ZNF521: variants seen among roughly 807,000 people sequenced by gnomAD.
ZNF521 encodes LYST-interacting protein 3.
ZNF521 carries 14 observed loss-of-function variants against 105.5 expected under a neutral mutation model. That is an observed-to-expected ratio of 0.13 (90% confidence interval 0.09 to 0.21). The LOEUF is 0.21. ZNF521 is among the 10% of genes least tolerant of loss of function. The pLI is 1.00. For synonymous variants in ZNF521, 635 were observed against 606.0 expected, an observed-to-expected ratio of 1.05 and a Z score of -0.70; for missense variants, 1,233 against 1,629.7, an observed-to-expected ratio of 0.76 and a Z score of 4.19.
intron 5 of ZNF521, among the ~76,000 whole-genome samples, chr18:25,096,152 T>A (rs2033846577): frequency 6.6e-6 from 1 of 152,180 alleles, no homozygotes; most frequent in Non-Finnish European, 1.5e-5. Flanking sequence ...AGGAATCAAG[T>A]CTACATAAAA....
intron 4 of ZNF521, among the ~76,000 whole-genome samples, chr18:25,220,213 G>C (rs946562559): frequency 6.6e-6 from 1 of 152,238 alleles, no homozygotes; most frequent in Non-Finnish European, 1.5e-5. Flanking sequence ...CTGGCCAACA[G>C]TGACAAGTGC....
chr18:25,333,539 C>T (rs1229062199), intron 2 of ZNF521, among the ~76,000 whole-genome samples: 1 of 151,982 alleles, frequency 6.6e-6, no homozygotes, highest in South Asian at 2.1e-4. Context: ...AAAGTACATC[C>T]TGTCTCTGAA....
At chr18:25,293,091 G>A (rs1466930096) in intron 3 of ZNF521, among the ~76,000 whole-genome samples, 2 of 152,036 alleles carry the variant, frequency 1.3e-5, no homozygotes, top group Non-Finnish European at 2.9e-5. Flanking sequence ...TGTTTTCTCA[G>A]TTGAAGGTAA....
intron 2 of ZNF521, among the ~76,000 whole-genome samples, chr18:25,334,569 A>G (rs750895517): frequency 1.3e-5 from 2 of 152,244 alleles, no homozygotes; most frequent in Non-Finnish European, 2.9e-5. Context: ...GTGCCCACAC[A>G]TAAGGTATTT....
chr18:25,212,565 A>ATATATATATATATATATATATATATG (rs1227568202), intron 4 of ZNF521, among the ~76,000 whole-genome samples: 9 of 112,866 alleles, frequency 8.0e-5, no homozygotes, highest in East Asian at 2.7e-4. Context: ...ATATATATAT[A>ATATATATATATATATATATATATATG]TGTATAGAAA....
intron 3 of ZNF521, among the ~76,000 whole-genome samples, chr18:25,284,910 G>GCGCGCA (rs1555658165): frequency 6.7e-6 from 1 of 148,602 alleles, no homozygotes; most frequent in African/African-American, 2.5e-5. Flanking sequence ...GTGCGCGCGC[G>GCGCGCA]CACACACACA....
intron 7 of ZNF521, among the ~76,000 whole-genome samples, chr18:25,067,786 C>T (rs1024832985): frequency 6.6e-6 from 1 of 152,078 alleles, no homozygotes; most frequent in Non-Finnish European, 1.5e-5. Context: ...CCAGAGATTG[C>T]CTTCACTTTT....
At chr18:25,107,993 T>C (rs555816625) in intron 5 of ZNF521, among the ~76,000 whole-genome samples, 2 of 152,368 alleles carry the variant, frequency 1.3e-5, no homozygotes, top group Non-Finnish European at 2.9e-5. Flanking sequence ...TTCATCCAGG[T>C]GGGAGACTCA....
chr18:25,139,820 G>A (rs2034812850), intron 5 of ZNF521, among the ~76,000 whole-genome samples: 1 of 152,156 alleles, frequency 6.6e-6, no homozygotes, highest in Non-Finnish European at 1.5e-5. Flanking sequence ...ATCCCTGAAG[G>A]TGGTGGTATT....
rs1047561562 is a variant in ZNF521, at chr18:25,203,628, C to T, written c.3574-8384G>A. Among the ~76,000 whole-genome samples the T allele has an allele frequency of 1.3e-4, 20 of 151,980 alleles. No homozygotes were observed. The South Asian group carries it at 1.7e-3, about 13-fold the overall frequency. On this transcript the variant is annotated intron_variant, in intron 4 of 7. Coordinates refer to ENST00000361524, the MANE Select transcript of ZNF521 (RefSeq NM_015461.3). ...TGAGTGAGACCCCATCTACTACATG[C>T]CAGCCCAGTTGCTTACAGATGGTGG...
In ZNF521 at chr18:25,145,469, C is replaced by A. The variant is rs573765411; in HGVS notation, c.3658+49691G>T. ...ATGGCACAACCACCACCACCACAAC[C>A]ATCAACAAAATGAAAATAAAAAACA... On this transcript the variant is annotated intron_variant, in intron 5 of 7. Coordinates refer to ENST00000361524, the MANE Select transcript of ZNF521 (RefSeq NM_015461.3). 4.6e-5 allele frequency among the ~76,000 whole-genome samples: 7 copies of A among 152,240 alleles called. No homozygotes were observed. In the South Asian group the frequency reaches 6.2e-4, roughly 14 times the overall value.
At chr18:25,272,286 A>G (rs950617134) in intron 3 of ZNF521, among the ~76,000 whole-genome samples, 8 of 152,236 alleles carry the variant, frequency 5.3e-5, no homozygotes, top group African/African-American at 1.9e-4. Context: ...GGATGTAGAG[A>G]AATAGGAACA....
At position 25,227,794 on chromosome 18, in the gene ZNF521, T is replaced by C. The variant is rs749230016; in HGVS notation, c.221-97A>G. On this transcript the variant is annotated intron_variant, in intron 3 of 7. Coordinates refer to ENST00000361524, the MANE Select transcript of ZNF521 (RefSeq NM_015461.3). This position sits in a 1 kb window ranked among gnomAD's most constrained non-coding sequence, Gnocchi z 5.7. ...AACCAGCACGCAGAGTTGGGCCCTC[T>C]TGAATCTTTCAAGAAAAAACAAAAT... is the stretch of plus-strand genomic sequence containing the variant. The C allele has an allele frequency of 2.9e-5, 30 of 1,023,078 alleles. No individual in the cohort carries two copies. The highest frequency in any genetic ancestry group is 4.0e-5 in the Non-Finnish European group (29 of 717,274). 63.4% of individuals were successfully genotyped at this position (1,023,078 alleles called of 1,614,324 possible).
At chr18:25,106,780 TG>T (rs2034082369) in intron 5 of ZNF521, among the ~76,000 whole-genome samples, 1 of 152,188 alleles carries the variant, frequency 6.6e-6, no homozygotes, top group Non-Finnish European at 1.5e-5. Flanking sequence ...ACATAGGGTT[TG>T]AGCTTGGTTA....
chr18:25,071,885 G>A (rs1034980919), intron 7 of ZNF521, among the ~76,000 whole-genome samples: 1 of 152,142 alleles, frequency 6.6e-6, no homozygotes, highest in Admixed American at 6.5e-5. Flanking sequence ...ACACATGCCT[G>A]GTGCGGGAGA....
chr18:25,350,789 C>CCGCACT (rs1914713372), intron 2 of ZNF521, 118 bp downstream of exon 2: 5 of 1,154,960 alleles, frequency 4.3e-6, no homozygotes, highest in Admixed American at 5.2e-5. Context: ...GCGCGCGCCC[C>CCGCACT]CGCACTCACA....
chr18:25,336,493 C>T (rs186586501), intron 2 of ZNF521, among the ~76,000 whole-genome samples: 69 of 152,254 alleles, frequency 4.5e-4, no homozygotes, highest in Admixed American at 4.5e-3. Context: ...ATCCGACTTA[C>T]CAAAAAAAGA....
intron 3 of ZNF521, among the ~76,000 whole-genome samples, chr18:25,279,859 T>C (rs1224767189): frequency 6.6e-6 from 1 of 152,216 alleles, no homozygotes; most frequent in Admixed American, 6.5e-5. Context: ...GTAGGCAATG[T>C]TGAATTACAA....
intron 5 of ZNF521, among the ~76,000 whole-genome samples, chr18:25,192,748 T>C (rs2035840393): frequency 6.6e-6 from 1 of 150,848 alleles, no homozygotes; most frequent in Non-Finnish European, 1.5e-5. Flanking sequence ...TCAATGGAGG[T>C]ATTTTAGCTA....
Sources: allele counts gnomAD v4.1 joint callset (sites outside exome capture counted in the v4.1 genomes callset), GRCh38; gene constraint gnomAD v4.1.1; non-coding constraint Gnocchi (gnomAD v3.1); transcripts MANE v1.5; gene names NCBI Gene and HGNC (gene_info 2026-07-23, HGNC 2026-07-21).